Variants in PLCB1 observed in about 807,000 individuals in gnomAD.
The protein encoded by PLCB1 is phospholipase C beta 1.
Under a neutral mutation model 161.8 loss-of-function variants are expected in PLCB1, and 46 were observed. That is an observed-to-expected ratio of 0.28 (90% confidence interval 0.22 to 0.36). The LOEUF (loss-of-function observed/expected upper bound fraction) is 0.36. Ranked by LOEUF, PLCB1 falls within the 10% of genes least tolerant of loss-of-function variation. The probability of loss-of-function intolerance (pLI) is 1.00; values close to 1 mark genes in which losing one functional copy is unlikely to be tolerated. For missense variants in PLCB1, 1,016 were observed against 1,472.5 expected, an observed-to-expected ratio of 0.69 and a Z score of 5.07; for synonymous variants, 517 against 503.7, an observed-to-expected ratio of 1.03 and a Z score of -0.35.
intron 27 of PLCB1, among the ~76,000 whole-genome samples, chr20:8,775,137 A>G (rs1362087984): frequency 6.7e-6 from 1 of 148,202 alleles, no homozygotes; most frequent in Non-Finnish European, 1.5e-5. Flanking sequence ...AAAATTATAC[A>G]GTACACTGTC....
At chr20:8,206,173 C>T (rs956988282) in intron 2 of PLCB1, among the ~76,000 whole-genome samples, 1 of 152,190 alleles carries the variant, frequency 6.6e-6, no homozygotes, top group Non-Finnish European at 1.5e-5. Context: ...TGTGTGTGCT[C>T]TTTTCCTGAC....
chr20:8,658,157 A>G (rs935213437), intron 8 of PLCB1, among the ~76,000 whole-genome samples: 30 of 152,170 alleles, frequency 2.0e-4, no homozygotes. Context: ...CAATAAATAC[A>G]TCTTTAAATG....
At chr20:8,708,384 A>G (rs1978808257) in intron 11 of PLCB1, among the ~76,000 whole-genome samples, 1 of 152,088 alleles carries the variant, frequency 6.6e-6, no homozygotes. Flanking sequence ...ATATGATTAG[A>G]TTTCTTTGAT....
intron 3 of PLCB1, among the ~76,000 whole-genome samples, chr20:8,488,050 A>C (rs1419739451): frequency 6.6e-6 from 1 of 152,204 alleles, no homozygotes; most frequent in Non-Finnish European, 1.5e-5. Context: ...GAATTCCTCT[A>C]TTCGAAGTCT....
At chr20:8,803,067 G>A (rs1984358998) in intron 31 of PLCB1, among the ~76,000 whole-genome samples, 1 of 152,132 alleles carries the variant, frequency 6.6e-6, no homozygotes, top group Non-Finnish European at 1.5e-5. Context: ...TTAAAAACAT[G>A]TCAAAGAATT....
chr20:8,419,467 A>G (rs1979442246), intron 3 of PLCB1, among the ~76,000 whole-genome samples: 2 of 152,186 alleles, frequency 1.3e-5, no homozygotes, highest in Non-Finnish European at 2.9e-5. Context: ...CACATTCAAT[A>G]AAAACTGTAT....
At chr20:8,686,166 A>C (rs769137077) in intron 10 of PLCB1, among the ~76,000 whole-genome samples, 4 of 152,220 alleles carry the variant, frequency 2.6e-5, no homozygotes, top group Non-Finnish European at 4.4e-5. Context: ...AGAGAATGTT[A>C]AATTTTGTGT....
chr20:8,645,206 A>G (rs1989132490), intron 4 of PLCB1, among the ~76,000 whole-genome samples: 1 of 149,812 alleles, frequency 6.7e-6, no homozygotes, highest in East Asian at 1.9e-4. Flanking sequence ...GGAAAACCAG[A>G]GACCTTTGTT....
intron 27 of PLCB1, among the ~76,000 whole-genome samples, chr20:8,782,362 C>T (rs1983283600): frequency 1.3e-5 from 2 of 152,130 alleles, no homozygotes; most frequent in African/African-American, 4.8e-5. Flanking sequence ...TCAGGTCACA[C>T]TCCCATATAA....
intron 2 of PLCB1, among the ~76,000 whole-genome samples, chr20:8,356,843 G>T (rs919105958): frequency 6.6e-6 from 1 of 152,168 alleles, no homozygotes; most frequent in Non-Finnish European, 1.5e-5. Flanking sequence ...GGTATACAGA[G>T]AATACGTTGC....
chr20:8,873,915 G>A (rs1337673114), intron 31 of PLCB1, among the ~76,000 whole-genome samples: 2 of 151,894 alleles, frequency 1.3e-5, no homozygotes, highest in Admixed American at 1.3e-4. Context: ...AATATTCTGA[G>A]CAAGATAATT....
intron 3 of PLCB1, among the ~76,000 whole-genome samples, chr20:8,613,994 A>C (rs1987976310): frequency 6.6e-6 from 1 of 152,092 alleles, no homozygotes; most frequent in Non-Finnish European, 1.5e-5. Flanking sequence ...TAAGCAGCCC[A>C]AAAAAAGGTT....
At chr20:8,666,289 G>A (rs967984331) in intron 9 of PLCB1, among the ~76,000 whole-genome samples, 1 of 152,142 alleles carries the variant, frequency 6.6e-6, no homozygotes, top group Non-Finnish European at 1.5e-5. Context: ...CAAAAAAGGT[G>A]CTTGCACTCA....
intron 20 of PLCB1, among the ~76,000 whole-genome samples, chr20:8,738,119 T>A (rs899747048): frequency 6.6e-6 from 1 of 152,380 alleles, no homozygotes; most frequent in South Asian, 2.1e-4. Context: ...TGCTCTTTGC[T>A]TACTGTGGGA....
intron 26 of PLCB1, among the ~76,000 whole-genome samples, chr20:8,770,021 C>T (rs113567011): frequency 1.4e-5 from 2 of 140,400 alleles, no homozygotes; most frequent in Non-Finnish European, 3.3e-5. Flanking sequence ...GGTGCGATCT[C>T]GGCTCACTGC....
intron 2 of PLCB1, among the ~76,000 whole-genome samples, chr20:8,254,804 A>T (rs898327075): frequency 6.6e-6 from 1 of 152,066 alleles, no homozygotes; most frequent in Non-Finnish European, 1.5e-5. Flanking sequence ...AAATGGTGTC[A>T]TATGTCTTAG....
rs533458511 is a variant in PLCB1, at chr20:8,751,068, TG to T, written c.2524-5975del. 465 of 262,954 alleles carry T rather than the reference TG, an allele frequency of 1.8e-3. 3 individuals are homozygous for T. The highest frequency in any genetic ancestry group is 8.1e-3 in the Middle Eastern group (5 of 620). The allele number at this position is 262,954 out of a possible 1,614,324, so 16.3% of individuals were successfully genotyped here. On this transcript the variant is annotated intron_variant, in intron 23 of 31. Coordinates refer to ENST00000338037, the MANE Select transcript of PLCB1 (RefSeq NM_015192.4). ...CTCCTGGGTCAGCCTCCTGAGTAGCTGGGACTACAGGCGCCCACCACCAAGC... is the reference window on the plus strand; with the variant it reads ...CTCCTGGGTCAGCCTCCTGAGTAGCTGGACTACAGGCGCCCACCACCAAGC...
chr20:8,149,240 C>T (rs1406673060), intron 1 of PLCB1, among the ~76,000 whole-genome samples: 1 of 152,122 alleles, frequency 6.6e-6, no homozygotes, highest in Non-Finnish European at 1.5e-5. Flanking sequence ...TCACAGCAAC[C>T]TTCTGAGTTA....
chr20:8,151,548 A>T (rs2051508117), intron 2 of PLCB1, among the ~76,000 whole-genome samples: 1 of 152,166 alleles, frequency 6.6e-6, no homozygotes, highest in African/African-American at 2.4e-5. Context: ...CAAAAATTGT[A>T]TGAGTAAGAT....
Sources: gnomAD v4.1 joint callset for allele counts (sites outside exome capture counted in the v4.1 genomes callset) on GRCh38, gnomAD v4.1.1 for gene constraint, MANE v1.5 for transcripts, NCBI Gene and HGNC (gene_info 2026-07-23, HGNC 2026-07-21) for gene names.